Variants in ARVCF observed in about 807,000 individuals in gnomAD.
ARVCF encodes the protein splicing regulator ARVCF.
A neutral mutation model predicts 90.9 loss-of-function variants in ARVCF; 66 were observed. The ratio of observed to expected loss-of-function variants is 0.73; its 90% CI spans 0.60 to 0.89. The LOEUF (loss-of-function observed/expected upper bound fraction) is 0.89, where lower values mean the gene tolerates loss of function less well. Among genes scored for constraint, ARVCF ranks in the 40% least tolerant of loss-of-function variants. The probability of loss-of-function intolerance (pLI) is 0.00; values close to 1 mark genes in which losing one functional copy is unlikely to be tolerated. For synonymous variants in ARVCF, 653 were observed against 603.4 expected, an observed-to-expected ratio of 1.08 and a Z score of -1.21; for missense variants, 1,469 against 1,382.3, an observed-to-expected ratio of 1.06 and a Z score of -1.00.
At position 19,979,095 on chromosome 22, in the gene ARVCF, TG is replaced by T. The variant is rs781678214; in HGVS notation, c.1397-16del. The T allele has an allele frequency of 1.2e-6, 2 of 1,608,664 alleles. No homozygotes were observed. ...CCACAGGGTGCCTGTGGGGTGCGAT[TG>T]GCCAATCTGTGCTGACCATATGCAC... On this transcript the variant is annotated splice_polypyrimidine_tract_variant and intron_variant, in intron 6 of 19. Coordinates refer to ENST00000263207, the MANE Select transcript of ARVCF (RefSeq NM_001670.3).
chr22:19,989,639 G>A (rs933961528), intron 3 of ARVCF, among the ~76,000 whole-genome samples: 5 of 152,300 alleles, frequency 3.3e-5, no homozygotes, highest in East Asian at 1.9e-4. Context: ...AAAGAAGGGC[G>A]GGTGGAGGTG....
intron 2 of ARVCF, among the ~76,000 whole-genome samples, chr22:20,001,039 C>G (rs993623842): frequency 1.3e-5 from 2 of 152,202 alleles, no homozygotes; most frequent in African/African-American, 4.8e-5. Context: ...CACCAGCAGG[C>G]ACACTCGTCC....
chr22:19,974,492 G>A (rs550169842), intron 11 of ARVCF, among the ~76,000 whole-genome samples: 1 of 152,258 alleles, frequency 6.6e-6, no homozygotes, highest in East Asian at 1.9e-4. Flanking sequence ...GGAGGCCTGG[G>A]GTGGGGAGGG....
chr22:19,990,743 C>T lies in ARVCF; in HGVS notation c.52G>A (p.Glu18Lys), dbSNP rs1368818151. The T allele has an allele frequency of 2.5e-6, 4 of 1,590,982 alleles. No individual in the cohort carries two copies. The highest frequency in any genetic ancestry group is 2.7e-5 in the African/African-American group (2 of 74,430). ...AGCCTCTCGAAGCGGGCCTCCTGCT[C>T]CTTCACCGAGGCCAGGATGCTGGCG... Reference protein sequence around the residue: ...SAASILASVKEQEARFERLTR... With the variant: ...SAASILASVKKQEARFERLTR... The change falls in exon 3 of 20, where the codon GAG becomes AAG. Residue 18 changes from glutamate (E) to lysine (K), a missense_variant. Glu to Lys is a moderately conservative substitution (Grantham distance 56). Transcript: ENST00000263207.
chr22:20,013,261 G>T (rs776351714), intron 1 of ARVCF, among the ~76,000 whole-genome samples: 2 of 152,248 alleles, frequency 1.3e-5, no homozygotes, highest in African/African-American at 2.4e-5. Flanking sequence ...TTGAGGCACA[G>T]ACCACACCTG....
chr22:19,983,849 A>T (rs1943627345), intron 3 of ARVCF: 1 of 152,324 alleles, frequency 6.6e-6, no homozygotes, highest in Non-Finnish European at 1.5e-5. Flanking sequence ...TGAGGCCTAG[A>T]GTGGGGACAA....
intron 2 of ARVCF, among the ~76,000 whole-genome samples, chr22:20,007,222 C>G (rs1029800883): frequency 1.3e-5 from 2 of 151,978 alleles, no homozygotes; most frequent in South Asian, 4.2e-4. Context: ...ATGGTGAAAT[C>G]CCATCTCTAT....
At chr22:19,968,056 G>C (rs552918424), downstream of ARVCF, among the ~76,000 whole-genome samples, 1 of 152,308 alleles carries the variant, frequency 6.6e-6, no homozygotes, top group African/African-American at 2.4e-5. Flanking sequence ...ACCCCAAGGG[G>C]CAGGCTTGTT....
chr22:20,009,813 T>A (rs553309734), intron 2 of ARVCF, among the ~76,000 whole-genome samples: 1 of 152,306 alleles, frequency 6.6e-6, no homozygotes, highest in East Asian at 1.9e-4. Flanking sequence ...CAAACACAGA[T>A]AACACCTGAG....
chr22:19,990,365 G>T (rs1187475597), intron 3 of ARVCF, among the ~76,000 whole-genome samples: 1 of 152,222 alleles, frequency 6.6e-6, no homozygotes, highest in Non-Finnish European at 1.5e-5. Context: ...GGAGGGTGCT[G>T]TTCTGAGTGT....
downstream of ARVCF, among the ~76,000 whole-genome samples, chr22:19,966,592 CACT>C (rs147296111): frequency 0.014 from 2,149 of 151,796 alleles, 52 homozygotes; most frequent in African/African-American, 0.048. Context: ...AGGCATGCAC[CACT>C]ACACCTGGCT....
In ARVCF at chr22:20,003,948, C is replaced by T. The variant is rs113588830; in HGVS notation, c.-19+6507G>A. Reference sequence around the variant, plus strand: ...CCATCTCTGTTCATAGACGACATAACCTTATATAAAACCGTAAAGATTCTA... The same window carrying T: ...CCATCTCTGTTCATAGACGACATAATCTTATATAAAACCGTAAAGATTCTA... On this transcript the variant is annotated intron_variant, in intron 2 of 19. Transcript: ENST00000263207. Among the ~76,000 whole-genome samples, 1,334 of 152,146 alleles carry T rather than the reference C, an allele frequency of 8.8e-3. 13 individuals carry two copies. The highest frequency in any genetic ancestry group is 0.014 in the Admixed American group (214 of 15,270).
intron 3 of ARVCF, among the ~76,000 whole-genome samples, chr22:19,990,030 G>A (rs1041822351): frequency 1.3e-5 from 2 of 152,214 alleles, no homozygotes; most frequent in Non-Finnish European, 2.9e-5. Flanking sequence ...TGTCCCAGTG[G>A]TCTAACTGCT....
chr22:19,966,189 CGCACATCTGCACACTCAGGGCTGGG>C, downstream of ARVCF, among the ~76,000 whole-genome samples: 1 of 152,270 alleles, frequency 6.6e-6, no homozygotes, highest in East Asian at 1.9e-4. Flanking sequence ...CCTTGTTAAA[CGCACATCTGCACACTCAGGGCTGGG>C]GCCCTGTGCC....
At chr22:19,985,498 C>T (rs372903011) in intron 3 of ARVCF, among the ~76,000 whole-genome samples, 28 of 152,266 alleles carry the variant, frequency 1.8e-4, no homozygotes, top group African/African-American at 6.5e-4. Context: ...CCATCACGCA[C>T]CTTCGGCTCA....
intron 2 of ARVCF, among the ~76,000 whole-genome samples, chr22:19,994,171 C>T (rs78859690): frequency 0.051 from 7,670 of 151,004 alleles, 226 homozygotes; most frequent in South Asian, 0.086. Context: ...GACAGAGGGA[C>T]GGACAGATTG....
chr22:19,975,800 G>C (rs1026818472), intron 10 of ARVCF, 43 bp from the exon 11 acceptor site: 1 of 1,597,952 alleles, frequency 6.3e-7, no homozygotes, highest in Admixed American at 1.7e-5. Flanking sequence ...ACCCCATATG[G>C]GGAATGGGTG....
intron 5 of ARVCF, 187 bp from the exon 6 acceptor site, chr22:19,980,429 T>G: frequency 5.6e-6 from 5 of 900,312 alleles, no homozygotes. Context: ...GAGAACCAAT[T>G]CAGAGCCAAA....
rs1945197069 is a variant in ARVCF, at chr22:20,016,602, T to C, written c.-86A>G. 1 of 151,156 alleles carries C rather than the reference T, an allele frequency of 6.6e-6. No homozygotes were observed. The highest frequency in any genetic ancestry group is 1.5e-5 in the Non-Finnish European group (1 of 67,684). The allele number at this position is 151,156 out of a possible 1,614,324, so 9.4% of individuals were successfully genotyped here. ...GCTCAGGCTTACCTGGAGCGCAGCG[T>C]GGGCGGCCCCGCAGCGCGGCCTCGG... On this transcript the variant is annotated 5_prime_UTR_variant, in exon 1 of 20. Coordinates refer to ENST00000263207, the MANE Select transcript of ARVCF (RefSeq NM_001670.3).
Sources: allele counts gnomAD v4.1 joint callset (sites outside exome capture counted in the v4.1 genomes callset), GRCh38; gene constraint gnomAD v4.1.1; transcripts MANE v1.5; gene names NCBI Gene and HGNC (gene_info 2026-07-23, HGNC 2026-07-21).